The following ATP13A3 variants were observed in gnomAD, a reference collection of about 807,000 sequenced individuals.
The protein encoded by ATP13A3 is polyamine-transporting ATPase 13A3.
In ATP13A3, 59 loss-of-function variants were observed where a neutral mutation model predicts 158.1. That is an observed-to-expected ratio of 0.37 (90% CI 0.30 to 0.46). ATP13A3 has a LOEUF of 0.46. Ranked by LOEUF, ATP13A3 falls within the 20% of genes least tolerant of loss-of-function variation. The pLI, the probability that ATP13A3 is intolerant of heterozygous loss-of-function variation, is 1.00. For synonymous variants in ATP13A3, 491 were observed against 504.3 expected (o/e 0.97, Z 0.35); for missense variants, 1,166 against 1,525.2 (o/e 0.76, Z 3.92).
At chr3:194,489,255 A>AC (rs5855584), upstream of ATP13A3, among the ~76,000 whole-genome samples, 6,111 of 152,276 alleles carry the variant, frequency 0.04, 205 homozygotes, top group African/African-American at 0.09. This position sits in a 1 kb window ranked among gnomAD's most constrained non-coding sequence, Gnocchi z 4.1. Flanking sequence ...GACCAGCCTG[A>AC]CAACATGGTG....
intron 20 of ATP13A3, among the ~76,000 whole-genome samples, chr3:194,436,074 T>C (rs1192567867): frequency 6.6e-6 from 1 of 152,152 alleles, no homozygotes; most frequent in Non-Finnish European, 1.5e-5. Context: ...TTATACCCAT[T>C]TGTGGTTCCC....
At chr3:194,451,179 A>C (rs1718781173) in intron 10 of ATP13A3, 1 of 152,152 alleles carries the variant, frequency 6.6e-6, no homozygotes, top group Admixed American at 6.5e-5. Context: ...TTAAAAAAGG[A>C]AGTAATTTAC....
intron 27 of ATP13A3, among the ~76,000 whole-genome samples, chr3:194,429,305 G>C (rs1302622198): frequency 6.6e-6 from 1 of 152,152 alleles, no homozygotes; most frequent in African/African-American, 2.4e-5. Context: ...TTGTAAATTA[G>C]TATCTTCATC....
chr3:194,407,664 A>C (rs6766958), intron 33 of ATP13A3, among the ~76,000 whole-genome samples: 57,961 of 152,060 alleles, frequency 0.38, 14,978 homozygotes, highest in African/African-American at 0.74. Flanking sequence ...AAGGCAAAAA[A>C]GGTGGACAAA....
chr3:194,446,856 TA>T, intron 14 of ATP13A3, 70 bp downstream of exon 14: 1 of 1,373,624 alleles, frequency 7.3e-7, no homozygotes, highest in Non-Finnish European at 9.8e-7. Context: ...ACAAAGAAAA[TA>T]AAAAACATTG....
chr3:194,455,852 T>C (rs183673014), intron 8 of ATP13A3, 41 bp downstream of exon 8: 13 of 1,212,978 alleles, frequency 1.1e-5, no homozygotes, highest in East Asian at 2.6e-5. Flanking sequence ...GACACATCCA[T>C]TGATCATGAC....
At chr3:194,454,530 C>A in intron 8 of ATP13A3, 138 bp from the exon 9 acceptor site, 1 of 1,020,416 alleles carries the variant, frequency 9.8e-7, no homozygotes. Flanking sequence ...AAATGTACTT[C>A]CCTAAAAAGT....
Position 194,406,097 on chromosome 3 carries a change from C to A in ATP13A3, c.3593G>T (p.Gly1198Val). The change falls in exon 34 of 34, where the codon GGA (glycine) becomes GTA (valine). Residue 1198 changes from glycine to valine, a missense_variant. Around this residue, in one of 3 missense-constraint regions of ATP13A3, gnomAD observed 997 missense variants for 1,341.2 expected, o/e 0.74. Coordinates refer to ENST00000645319, the MANE Select transcript of ATP13A3 (RefSeq NM_001367549.1). ...CAGGGCCCAGGGTAAGCAGCATTTT[C>A]CCCACCGATCCACTGACTCCTAAGA... is the stretch of plus-strand genomic sequence containing the variant. ...QPPQESVDRW[G>V]KCCLPWALGC... The A allele has an allele frequency of 6.2e-7, 1 of 1,614,098 alleles. No individual in the cohort carries two copies. Among genetic ancestry groups the A allele is most frequent in the Non-Finnish European group, 8.5e-7 (1 of 1,180,004 alleles).
At chr3:194,427,454 C>T (rs954470040) in intron 28 of ATP13A3, among the ~76,000 whole-genome samples, 3 of 151,646 alleles carry the variant, frequency 2.0e-5, no homozygotes, top group Non-Finnish European at 4.4e-5. Flanking sequence ...TTTTGAAAAA[C>T]GCCTCAGGAA....
intron 2 of ATP13A3, among the ~76,000 whole-genome samples, chr3:194,482,492 C>A (rs539385148): frequency 6.6e-6 from 1 of 152,166 alleles, no homozygotes; most frequent in Non-Finnish European, 1.5e-5. Flanking sequence ...ATCTACTTTT[C>A]TCCAGATTAA....
chr3:194,430,920 C>T (rs764658252), intron 24 of ATP13A3, 23 bp downstream of exon 24: 3 of 1,562,198 alleles, frequency 1.9e-6, no homozygotes, highest in Non-Finnish European at 1.7e-6. Flanking sequence ...AAAACCAAAA[C>T]CAAAAAAGAC....
chr3:194,467,026 G>A (rs1720030717), intron 2 of ATP13A3, among the ~76,000 whole-genome samples: 3 of 152,150 alleles, frequency 2.0e-5, no homozygotes, highest in African/African-American at 7.2e-5. Context: ...CCAAACTTCT[G>A]TTGGTTTTTG....
chr3:194,410,934 T>TGG lies in ATP13A3; in HGVS notation c.3573+1263_3573+1264dup, dbSNP rs201661272. On this transcript the variant is annotated intron_variant, in intron 33 of 33. Coordinates refer to ENST00000645319, the MANE Select transcript of ATP13A3 (RefSeq NM_001367549.1). ...TATGGGGGTGGGAGGGTTGGGGTGT[T>TGG]GGGGTGTGTGTGTGTGTGTGTGTGT... Among the ~76,000 whole-genome samples, 552 of 95,428 alleles carry TGG rather than the reference T, an allele frequency of 5.8e-3. 1 individual carries two copies. Among genetic ancestry groups the TGG allele is most frequent in the African/African-American group, 9.0e-3 (140 of 15,478 alleles). 62.6% of individuals were successfully genotyped at this position (95,428 alleles called of 152,430 possible).
chr3:194,475,149 ACCT>A (rs1041654183), intron 2 of ATP13A3, among the ~76,000 whole-genome samples: 21 of 152,274 alleles, frequency 1.4e-4, no homozygotes, highest in African/African-American at 5.1e-4. Context: ...CAGAGGTTAT[ACCT>A]CCAAGTCTTC....
Position 194,404,106 on chromosome 3 carries a change from T to A in ATP13A3, c.*1813A>T. 1 of 450,502 alleles carries A rather than the reference T, an allele frequency of 2.2e-6. No individual in the cohort carries two copies. The highest frequency in any genetic ancestry group is 4.4e-6 in the Non-Finnish European group (1 of 225,570). The allele number at this position is 450,502 out of a possible 1,614,324, so 27.9% of individuals were successfully genotyped here. On this transcript the variant is annotated 3_prime_UTR_variant, in exon 34 of 34. Transcript: ENST00000645319. ...ATAACACGAGCATATTTGAAATTAA[T>A]ATGGAAATTATAAAATGATCCAGAG...
Position 194,447,853 on chromosome 3 carries a change from T to C in ATP13A3, c.1307A>G (p.Glu436Gly), listed in dbSNP as rs756197422. The change falls in exon 13 of 34, where the codon GAG becomes GGG. Residue 436 changes from glutamate to glycine, a missense_variant and splice_region_variant. By Grantham distance (98) the Glu-to-Gly change is moderately conservative (BLOSUM62 -2). Coordinates refer to ENST00000645319, the MANE Select transcript of ATP13A3 (RefSeq NM_001367549.1). ...IYTIINSILN[E>G]VQVGVIIIES... ...CTATTAAGAGTCCCACATACATACCTCATTTAAAATGCTATTAATAATAGT... is the reference window on the plus strand; with the variant it reads ...CTATTAAGAGTCCCACATACATACCCCATTTAAAATGCTATTAATAATAGT... The C allele has an allele frequency of 1.2e-6, 2 of 1,607,708 alleles. No individual in the cohort carries two copies. Among genetic ancestry groups the C allele is most frequent in the East Asian group, 2.2e-5 (1 of 44,794 alleles).
chr3:194,476,766 G>GTTTTTTT (rs367780103), intron 2 of ATP13A3, among the ~76,000 whole-genome samples: 16 of 128,694 alleles, frequency 1.2e-4, no homozygotes, highest in African/African-American at 4.6e-4. Flanking sequence ...GTAAGTTGTT[G>GTTTTTTT]TTTTTTTTTT....
chr3:194,466,144 TGA>T, intron 2 of ATP13A3, among the ~76,000 whole-genome samples: 1 of 152,100 alleles, frequency 6.6e-6, no homozygotes, highest in East Asian at 1.9e-4. Context: ...TTCCAGTATC[TGA>T]GAGAAGAAAG....
chr3:194,483,745 G>A (rs145321534), intron 2 of ATP13A3, among the ~76,000 whole-genome samples: 150 of 152,322 alleles, frequency 9.8e-4, no homozygotes, highest in African/African-American at 3.5e-3. Flanking sequence ...AATACATTCA[G>A]AGGTAACACC....
Sources: allele counts gnomAD v4.1 joint callset (sites outside exome capture counted in the v4.1 genomes callset), GRCh38; gene constraint gnomAD v4.1.1; regional missense constraint gnomAD v4.1.1; non-coding constraint Gnocchi (gnomAD v3.1); transcripts MANE v1.5; gene names NCBI Gene and HGNC (gene_info 2026-07-23, HGNC 2026-07-21).